The following CACNA2D3 variants were observed in gnomAD, a reference collection of about 807,000 sequenced individuals.
CACNA2D3 encodes the protein voltage-dependent calcium channel subunit alpha-2/delta-3.
Under a neutral mutation model 160.6 loss-of-function variants are expected in CACNA2D3, and 60 were observed. The ratio of observed to expected loss-of-function variants is 0.37; its 90% CI spans 0.30 to 0.46. CACNA2D3 has a LOEUF of 0.46. Among genes scored for constraint, CACNA2D3 ranks in the 20% least tolerant of loss-of-function variants. The pLI, the probability that CACNA2D3 is intolerant of heterozygous loss-of-function variation, is 1.00. For synonymous variants in CACNA2D3, 558 were observed against 492.9 expected (o/e 1.13, Z -1.75); for missense variants, 1,205 against 1,365.0 (o/e 0.88, Z 1.85).
chr3:55,025,117 G>A (rs3773563), intron 35 of CACNA2D3, among the ~76,000 whole-genome samples: 24,944 of 152,094 alleles, frequency 0.16, 2,297 homozygotes, highest in East Asian at 0.29. Context: ...AAAACCAATA[G>A]AACTAAGATA....
In CACNA2D3 at chr3:54,921,442, TAGAG is replaced by T. The variant is rs565275541; in HGVS notation, c.2449+21578_2449+21581del. 4.4e-4 allele frequency among the ~76,000 whole-genome samples: 67 copies of T among 152,238 alleles called. 1 individual carries two copies. Among genetic ancestry groups the T allele is most frequent in the Middle Eastern group, 6.8e-3 (2 of 292 alleles). On this transcript the variant is annotated intron_variant, in intron 27 of 37. Transcript: ENST00000474759. ...TGAAGATGACTTGTTTACTAGTAAA[TAGAG>T]AGAAATATTAATCATACAATCTGTG... is the stretch of plus-strand genomic sequence containing the variant.
At chr3:54,884,906 G>A (rs912799045) in intron 21 of CACNA2D3, among the ~76,000 whole-genome samples, 9 of 152,188 alleles carry the variant, frequency 5.9e-5, no homozygotes, top group African/African-American at 2.2e-4. Flanking sequence ...TCACACAGGA[G>A]GTCAGTGGCC....
chr3:54,311,222 A>G lies in CACNA2D3; in HGVS notation c.205-9220A>G, dbSNP rs555793154. Among the ~76,000 whole-genome samples the G allele has an allele frequency of 1.3e-3, 194 of 152,216 alleles. 1 individual carries two copies. Among genetic ancestry groups the G allele is most frequent in the Admixed American group, 0.012 (177 of 15,302 alleles). On this transcript the variant is annotated intron_variant, in intron 2 of 37. Transcript: ENST00000474759. ...GACAGAGTAGGAACTACATCACTCT[A>G]TCCCCACTGGAGGGACATAGGATGA...
At chr3:54,449,547 G>A (rs1394198195) in intron 4 of CACNA2D3, among the ~76,000 whole-genome samples, 1 of 152,274 alleles carries the variant, frequency 6.6e-6, no homozygotes, top group South Asian at 2.1e-4. Flanking sequence ...ATGTTGAATT[G>A]TAATCCCCAT....
At chr3:54,692,422 C>T (rs184325005) in intron 11 of CACNA2D3, among the ~76,000 whole-genome samples, 1 of 152,350 alleles carries the variant, frequency 6.6e-6, no homozygotes, top group Non-Finnish European at 1.5e-5. Flanking sequence ...CACCACATTT[C>T]TGGATGCTGT....
At chr3:54,651,167 C>T (rs766878049) in intron 11 of CACNA2D3, among the ~76,000 whole-genome samples, 6 of 152,108 alleles carry the variant, frequency 3.9e-5, no homozygotes, top group Admixed American at 6.5e-5. Context: ...ACATTGTCAT[C>T]GGGACAGTAA....
At chr3:54,687,121 CT>C (rs757838355) in intron 11 of CACNA2D3, among the ~76,000 whole-genome samples, 5 of 94,976 alleles carry the variant, frequency 5.3e-5, no homozygotes, top group South Asian at 4.3e-4. Context: ...TTTTCTTTTT[CT>C]TTTTTTTTTT....
chr3:54,278,099 C>A (rs1702786718), intron 2 of CACNA2D3, among the ~76,000 whole-genome samples: 1 of 152,024 alleles, frequency 6.6e-6, no homozygotes, highest in Non-Finnish European at 1.5e-5. Context: ...ATCCATCTGA[C>A]AAAGGGCTAA....
At chr3:54,228,025 C>T (rs945605675) in intron 2 of CACNA2D3, among the ~76,000 whole-genome samples, 13 of 152,162 alleles carry the variant, frequency 8.5e-5, no homozygotes, top group African/African-American at 2.2e-4. Flanking sequence ...TGCATGGTCT[C>T]GGTCCAGCAG....
chr3:54,760,086 G>C (rs545932526), intron 12 of CACNA2D3, among the ~76,000 whole-genome samples: 2 of 152,268 alleles, frequency 1.3e-5, no homozygotes, highest in South Asian at 4.1e-4. Context: ...CAACAAGGTG[G>C]GGATTTTTGA....
chr3:54,488,122 G>A (rs1701046098), intron 4 of CACNA2D3, among the ~76,000 whole-genome samples: 1 of 152,204 alleles, frequency 6.6e-6, no homozygotes, highest in African/African-American at 2.4e-5. Context: ...TCTATTTGAA[G>A]ATCCAAAGAC....
intron 13 of CACNA2D3, among the ~76,000 whole-genome samples, chr3:54,792,008 C>T (rs975430360): frequency 1.3e-5 from 2 of 152,198 alleles, no homozygotes; most frequent in African/African-American, 4.8e-5. Context: ...TAGGTAACAC[C>T]ATTCACTATG....
At chr3:54,174,564 G>T (rs533180330) in intron 2 of CACNA2D3, among the ~76,000 whole-genome samples, 1 of 149,394 alleles carries the variant, frequency 6.7e-6, no homozygotes, top group East Asian at 2.0e-4. Flanking sequence ...TCGCTCTGTC[G>T]CCCAGGCTGG....
intron 4 of CACNA2D3, among the ~76,000 whole-genome samples, chr3:54,488,477 A>T (rs753291609): frequency 5.3e-5 from 8 of 152,070 alleles, no homozygotes; most frequent in Admixed American, 1.3e-4. Flanking sequence ...TAGACTGAAC[A>T]GTGGCCCGAC....
chr3:54,254,110 T>C (rs1226839993), intron 2 of CACNA2D3, among the ~76,000 whole-genome samples: 1 of 152,182 alleles, frequency 6.6e-6, no homozygotes, highest in Non-Finnish European at 1.5e-5. Flanking sequence ...AGGTGTTGGA[T>C]GGGCTCAAAA....
intron 2 of CACNA2D3, among the ~76,000 whole-genome samples, chr3:54,196,686 T>G (rs1476371915): frequency 6.6e-6 from 1 of 152,260 alleles, no homozygotes; most frequent in Admixed American, 6.5e-5. Flanking sequence ...TTGCGTTTTC[T>G]GTAATTTCCC....
At chr3:54,692,926 G>C (rs1700595781) in intron 11 of CACNA2D3, among the ~76,000 whole-genome samples, 1 of 152,092 alleles carries the variant, frequency 6.6e-6, no homozygotes, top group African/African-American at 2.4e-5. Flanking sequence ...TTTAGTTTTT[G>C]CTTCCACACA....
chr3:54,871,402 C>T lies in CACNA2D3; in HGVS notation c.1627-137C>T, dbSNP rs181711868. On this transcript the variant is annotated intron_variant, in intron 17 of 37. Coordinates refer to ENST00000474759, the MANE Select transcript of CACNA2D3 (RefSeq NM_018398.3). ...CATTAAAAGTCCCTAGGACTGTCAC[C>T]CTGCTGGGCTTCTCACCCTCATCGG... 673 of 598,220 alleles carry T rather than the reference C, an allele frequency of 1.1e-3. 4 individuals carry two copies. The highest frequency in any genetic ancestry group is 0.011 in the African/African-American group (589 of 53,716). The allele number at this position is 598,220 out of a possible 1,614,324, so 37.1% of individuals were successfully genotyped here.
intron 4 of CACNA2D3, among the ~76,000 whole-genome samples, chr3:54,502,718 C>A (rs1290684315): frequency 1.3e-5 from 2 of 152,194 alleles, no homozygotes; most frequent in African/African-American, 4.8e-5. Context: ...TGCATACATT[C>A]TCTATTCCTA....
Sources: allele counts gnomAD v4.1 joint callset (sites outside exome capture counted in the v4.1 genomes callset), GRCh38; gene constraint gnomAD v4.1.1; transcripts MANE v1.5; gene names NCBI Gene and HGNC (gene_info 2026-07-23, HGNC 2026-07-21).